Variants in FNIP1 observed in about 807,000 individuals in gnomAD.
FNIP1 encodes the protein folliculin-interacting protein 1.
A neutral mutation model predicts 124.5 loss-of-function variants in FNIP1; 40 were observed. The observed-to-expected ratio is 0.32, with a 90% CI of 0.25 to 0.42. The LOEUF (loss-of-function observed/expected upper bound fraction) is 0.42. Among genes scored for constraint, FNIP1 ranks in the 10% least tolerant of loss-of-function variants. FNIP1 has a pLI of 1.00. For missense variants in FNIP1, 1,176 were observed against 1,403.7 expected (o/e 0.84, Z 2.59); for synonymous variants, 472 against 470.6 (o/e 1.00, Z -0.04).
In FNIP1 at chr5:131,719,248, A is replaced by C. The variant is rs1007051474; in HGVS notation, c.455+69T>G. ...CTCAATCTGAGTGAAGATCATATAAAATTCTCTCTAAAAAAACGAAAATAT... is the reference window on the plus strand; with the variant it reads ...CTCAATCTGAGTGAAGATCATATAACATTCTCTCTAAAAAAACGAAAATAT... On this transcript the variant is annotated intron_variant, in intron 4 of 17. Coordinates refer to ENST00000510461, the MANE Select transcript of FNIP1 (RefSeq NM_133372.3). 1.1e-5 allele frequency: 15 copies of C among 1,392,110 alleles called. No homozygotes were observed. The African/African-American group carries it at 2.2e-4, about 20-fold the overall frequency. 86.2% of individuals were successfully genotyped at this position (1,392,110 alleles called of 1,614,324 possible).
chr5:131,678,246 A>G (rs1561650247), intron 12 of FNIP1, among the ~76,000 whole-genome samples: 1 of 152,230 alleles, frequency 6.6e-6, no homozygotes, highest in East Asian at 1.9e-4. Context: ...GAATGGGAAA[A>G]CGAGGCAAAG....
intron 1 of FNIP1, among the ~76,000 whole-genome samples, chr5:131,746,629 G>A (rs930098136): frequency 6.6e-6 from 1 of 152,174 alleles, no homozygotes; most frequent in African/African-American, 2.4e-5. Flanking sequence ...TGGCTGAGTA[G>A]TATTCCATAG....
Position 131,716,286 on chromosome 5 carries a change from A to C in FNIP1, c.622+279T>G, listed in dbSNP as rs527908553. Among the ~76,000 whole-genome samples, 454 of 152,326 alleles carry C rather than the reference A, an allele frequency of 3.0e-3. 7 individuals carry two copies. The highest frequency in any genetic ancestry group is 3.4e-3 in the Non-Finnish European group (232 of 68,020). On this transcript the variant is annotated intron_variant, in intron 6 of 17. Coordinates refer to ENST00000510461, the MANE Select transcript of FNIP1 (RefSeq NM_133372.3). ...TTCTTATCACTGACACCTTTCAAAG[A>C]TGCATCAAATTTAACAACGAAAAAC...
At chr5:131,771,938 T>C (rs1370196336) in intron 1 of FNIP1, among the ~76,000 whole-genome samples, 2 of 152,166 alleles carry the variant, frequency 1.3e-5, no homozygotes, top group African/African-American at 2.4e-5. Flanking sequence ...TCTCATACCA[T>C]GAGACGGGAG....
At chr5:131,794,855 C>T (rs1772527661) in intron 1 of FNIP1, among the ~76,000 whole-genome samples, 1 of 152,182 alleles carries the variant, frequency 6.6e-6, no homozygotes, top group African/African-American at 2.4e-5. Context: ...TCAGTGACTG[C>T]CACGGGTGAG....
chr5:131,699,000 A>T lies in FNIP1; in HGVS notation c.1119T>A (p.Ala373=). Residue 373 remains alanine (A), a splice_region_variant and synonymous_variant, in exon 11 of 18, where the codon GCT becomes GCA. Coordinates refer to ENST00000510461, the MANE Select transcript of FNIP1 (RefSeq NM_133372.3). The stretch of plus-strand genomic sequence containing the variant: ...CAGCTGATCTCCGGCTCATTTTCAT[A>T]GCCTTGAAAACAATCATTGAGATAG... ...MNKLKSAIEQ[A]MKMSRRSADA... 1 of 1,605,880 alleles carries T rather than the reference A, an allele frequency of 6.2e-7. No homozygotes were observed. Among genetic ancestry groups the T allele is most frequent in the Non-Finnish European group, 8.5e-7 (1 of 1,177,710 alleles).
At position 131,670,483 on chromosome 5, in the gene FNIP1, C is replaced by G. The variant is rs748378994; in HGVS notation, c.3088G>C (p.Asp1030His). The stretch of plus-strand genomic sequence containing the variant: ...CTCACCTGCACAGCATGAGATAAAT[C>G]TGACATCAGACACTGACGGAACCTC... Reference protein sequence around the residue: ...DERFRQCLMSDLSHAVQHPVL... With the variant: ...DERFRQCLMSHLSHAVQHPVL... Residue 1030 changes from aspartate to histidine, a missense_variant, in exon 15 of 18, where the codon GAT (aspartate) becomes CAT (histidine). By Grantham distance (81) the Asp-to-His change is moderately conservative (BLOSUM62 -1). Transcript: ENST00000510461. 7.5e-6 allele frequency: 12 copies of G among 1,610,548 alleles called. No individual in the cohort carries two copies. The South Asian group carries it at 1.3e-4, about 18-fold the overall frequency.
intron 6 of FNIP1, 151 bp downstream of exon 6, chr5:131,716,414 T>C (rs575247751): frequency 2.7e-5 from 14 of 516,000 alleles, no homozygotes; most frequent in African/African-American, 2.2e-4. Context: ...ATAAATGTTA[T>C]ACATACTGGC....
intron 11 of FNIP1, among the ~76,000 whole-genome samples, chr5:131,680,856 T>C (rs1768055534): frequency 6.6e-6 from 1 of 152,096 alleles, no homozygotes; most frequent in Non-Finnish European, 1.5e-5. Context: ...TACAAACATA[T>C]GGTGGAATTG....
chr5:131,670,688 T>TAAAAA, intron 14 of FNIP1, 57 bp from the exon 15 acceptor site: 1 of 966,944 alleles, frequency 1.0e-6, no homozygotes, highest in Non-Finnish European at 1.4e-6. Flanking sequence ...ATTTAACCAG[T>TAAAAA]AAAAAAAAAA....
At chr5:131,663,874 G>A (rs1035706798) in intron 15 of FNIP1, among the ~76,000 whole-genome samples, 3 of 152,328 alleles carry the variant, frequency 2.0e-5, no homozygotes, top group South Asian at 4.1e-4. Flanking sequence ...TATATACAAG[G>A]TGTAGAAGGA....
intron 3 of FNIP1, among the ~76,000 whole-genome samples, chr5:131,728,542 T>C (rs1769969949): frequency 6.6e-6 from 1 of 152,144 alleles, no homozygotes; most frequent in Non-Finnish European, 1.5e-5. Flanking sequence ...GTCATTCATG[T>C]TCTTCTCTAA....
chr5:131,670,833 A>T (rs1193976798), intron 14 of FNIP1, among the ~76,000 whole-genome samples: 3 of 152,166 alleles, frequency 2.0e-5, no homozygotes, highest in Non-Finnish European at 4.4e-5. Flanking sequence ...GAGTAAAATC[A>T]TCGTTATTTA....
intron 3 of FNIP1, 123 bp downstream of exon 3, chr5:131,730,781 C>A (rs1770056241): frequency 1.5e-6 from 1 of 676,086 alleles, no homozygotes; most frequent in Non-Finnish European, 2.3e-6. Context: ...ATCTGTCTCT[C>A]CAGCTTCAAT....
chr5:131,663,694 C>A (rs1767512611), intron 15 of FNIP1, among the ~76,000 whole-genome samples: 1 of 152,144 alleles, frequency 6.6e-6, no homozygotes, highest in Non-Finnish European at 1.5e-5. Flanking sequence ...TAGGTAAGGC[C>A]TGGAGACATA....
chr5:131,728,481 G>C (rs1769966340), intron 3 of FNIP1, among the ~76,000 whole-genome samples: 1 of 151,812 alleles, frequency 6.6e-6, no homozygotes, highest in Non-Finnish European at 1.5e-5. Flanking sequence ...GCTATTGATG[G>C]CTTGCGTATG....
chr5:131,749,809 G>A (rs552025982), intron 1 of FNIP1, among the ~76,000 whole-genome samples: 2 of 151,876 alleles, frequency 1.3e-5, no homozygotes, highest in East Asian at 3.9e-4. Flanking sequence ...ACAGCAATAC[G>A]CTGTACAGGT....
intron 3 of FNIP1, among the ~76,000 whole-genome samples, chr5:131,726,144 C>A (rs927412286): frequency 3.9e-5 from 6 of 152,040 alleles, no homozygotes; most frequent in African/African-American, 9.7e-5. Flanking sequence ...GGGATACTGG[C>A]CTGAAATTTT....
At chr5:131,651,726 C>CT (rs1201264808) in intron 16 of FNIP1, 76 bp downstream of exon 16, 1 of 1,424,150 alleles carries the variant, frequency 7.0e-7, no homozygotes, top group Non-Finnish European at 9.6e-7. Context: ...TCCCTAACAG[C>CT]TTTTTTTCAG....
Sources: allele counts gnomAD v4.1 joint callset (sites outside exome capture counted in the v4.1 genomes callset), GRCh38; gene constraint gnomAD v4.1.1; transcripts MANE v1.5; gene names NCBI Gene and HGNC (gene_info 2026-07-23, HGNC 2026-07-21).